The following SNTG1 variants were observed in gnomAD, a reference collection of about 807,000 sequenced individuals.
The protein encoded by SNTG1 is syntrophin gamma 1, also known as gamma-1-syntrophin.
SNTG1 carries 39 observed loss-of-function variants against 74.7 expected under a neutral mutation model. That is an observed-to-expected ratio of 0.52 (90% CI 0.40 to 0.68). The LOEUF (loss-of-function observed/expected upper bound fraction) is 0.68, where lower values mean the gene tolerates loss of function less well. Among genes scored for constraint, SNTG1 ranks in the 30% least tolerant of loss-of-function variants. The pLI, the probability that SNTG1 is intolerant of heterozygous loss-of-function variation, is 0.00. For missense variants in SNTG1, 685 were observed against 609.5 expected (o/e 1.12, Z -1.30); for synonymous variants, 254 against 217.1 (o/e 1.17, Z -1.49).
chr8:50,212,667 T>A (rs1194872554), intron 2 of SNTG1, among the ~76,000 whole-genome samples: 1 of 152,176 alleles, frequency 6.6e-6, no homozygotes, highest in Non-Finnish European at 1.5e-5. Context: ...CAGTTAATTC[T>A]CATCTCTAGC....
chr8:49,966,942 A>G (rs1811197036), intron 1 of SNTG1, among the ~76,000 whole-genome samples: 1 of 152,186 alleles, frequency 6.6e-6, no homozygotes. Flanking sequence ...ATTTAGTGCC[A>G]TATCACAAAT....
intron 8 of SNTG1, among the ~76,000 whole-genome samples, chr8:50,494,445 T>G (rs1398560316): frequency 1.3e-5 from 2 of 152,044 alleles, no homozygotes; most frequent in Admixed American, 1.3e-4. Flanking sequence ...TGAAGATACA[T>G]GATTTTCTAC....
At chr8:50,439,784 A>C (rs1226030247) in intron 5 of SNTG1, among the ~76,000 whole-genome samples, 2 of 149,418 alleles carry the variant, frequency 1.3e-5, no homozygotes, top group Non-Finnish European at 3.0e-5. Flanking sequence ...AGTACCACTA[A>C]AGATACTAGA....
chr8:50,062,005 T>C (rs1756026917), intron 1 of SNTG1, among the ~76,000 whole-genome samples: 1 of 152,164 alleles, frequency 6.6e-6, no homozygotes, highest in Non-Finnish European at 1.5e-5. Flanking sequence ...TTTCTCTTTA[T>C]CAATTATATC....
intron 2 of SNTG1, among the ~76,000 whole-genome samples, chr8:50,233,667 C>T (rs1028746733): frequency 1.3e-5 from 2 of 151,158 alleles, no homozygotes; most frequent in African/African-American, 4.8e-5. Flanking sequence ...TGATAAAGAG[C>T]CCATATCTAG....
chr8:49,988,398 A>G (rs889152232), intron 1 of SNTG1, among the ~76,000 whole-genome samples: 3 of 152,238 alleles, frequency 2.0e-5, no homozygotes, highest in Non-Finnish European at 4.4e-5. Context: ...TGCAAATGAT[A>G]CACAGAGTAA....
At chr8:50,775,927 C>A (rs1017552663) in intron 18 of SNTG1, among the ~76,000 whole-genome samples, 1 of 145,324 alleles carries the variant, frequency 6.9e-6, no homozygotes, top group Non-Finnish European at 1.5e-5. Flanking sequence ...GCTAATATAG[C>A]CACTAGTCAC....
chr8:50,427,137 TACTC>T (rs1054690985), intron 4 of SNTG1, among the ~76,000 whole-genome samples: 49 of 152,268 alleles, frequency 3.2e-4, no homozygotes, highest in African/African-American at 1.1e-3. Flanking sequence ...TAAAATTTCT[TACTC>T]ACAGTAAAGG....
chr8:50,181,691 G>T (rs901587829), intron 2 of SNTG1, among the ~76,000 whole-genome samples: 7 of 152,134 alleles, frequency 4.6e-5, no homozygotes, highest in Non-Finnish European at 7.4e-5. Flanking sequence ...AGTATGCATA[G>T]AAAAATGATG....
intron 2 of SNTG1, among the ~76,000 whole-genome samples, chr8:50,192,183 T>C (rs2083602414): frequency 6.6e-6 from 1 of 152,142 alleles, no homozygotes; most frequent in Non-Finnish European, 1.5e-5. Context: ...TTGTTGTTTG[T>C]TTTGTTTGTC....
At chr8:50,309,271 G>A (rs1281104980) in intron 2 of SNTG1, among the ~76,000 whole-genome samples, 6 of 151,932 alleles carry the variant, frequency 3.9e-5, no homozygotes, top group South Asian at 4.1e-4. Flanking sequence ...AGGATTTCAT[G>A]ATAAGAGGGA....
intron 13 of SNTG1, among the ~76,000 whole-genome samples, chr8:50,635,589 A>G (rs1286826865): frequency 6.6e-6 from 1 of 152,172 alleles, no homozygotes; most frequent in Non-Finnish European, 1.5e-5. Context: ...GCCCACAGGG[A>G]GTGCTTCCAG....
intron 13 of SNTG1, among the ~76,000 whole-genome samples, chr8:50,604,424 A>G (rs1204816021): frequency 6.7e-6 from 1 of 149,268 alleles, no homozygotes; most frequent in Non-Finnish European, 1.5e-5. Flanking sequence ...TCAAAAAAGA[A>G]AGAAAAAAAA....
chr8:49,910,236 G>A (rs972830886), upstream of SNTG1, among the ~76,000 whole-genome samples: 3 of 152,134 alleles, frequency 2.0e-5, no homozygotes, highest in Admixed American at 6.5e-5. Context: ...CCAGGAGCAG[G>A]CGTCCGGCCC....
chr8:50,331,383 G>A (rs1391689702), intron 2 of SNTG1, among the ~76,000 whole-genome samples: 5 of 152,144 alleles, frequency 3.3e-5, no homozygotes, highest in African/African-American at 4.8e-5. Flanking sequence ...AGACCAAAAC[G>A]ATCTTTAATT....
At chr8:50,737,719 G>T (rs961915950) in intron 17 of SNTG1, among the ~76,000 whole-genome samples, 2 of 152,088 alleles carry the variant, frequency 1.3e-5, no homozygotes, top group African/African-American at 2.4e-5. Flanking sequence ...CCATGATCAC[G>T]TCGGCTTCAT....
chr8:50,637,795 C>A (rs191037835), intron 13 of SNTG1, among the ~76,000 whole-genome samples: 5 of 151,974 alleles, frequency 3.3e-5, no homozygotes, highest in Admixed American at 2.6e-4. Flanking sequence ...AAATACATAT[C>A]TTTATCTGTA....
chr8:50,324,185 T>A (rs2090642543), intron 2 of SNTG1, among the ~76,000 whole-genome samples: 1 of 152,184 alleles, frequency 6.6e-6, no homozygotes, highest in Non-Finnish European at 1.5e-5. Flanking sequence ...TGGTAAATAT[T>A]TTCCCTCCTT....
intron 2 of SNTG1, among the ~76,000 whole-genome samples, chr8:50,339,388 C>T (rs951289291): frequency 1.3e-5 from 2 of 151,826 alleles, no homozygotes; most frequent in Non-Finnish European, 2.9e-5. Flanking sequence ...AAAACAAGAT[C>T]TTGTTTATAT....
Sources: gnomAD v4.1 joint callset for allele counts (sites outside exome capture counted in the v4.1 genomes callset) on GRCh38, gnomAD v4.1.1 for gene constraint, MANE v1.5 for transcripts, NCBI Gene and HGNC (gene_info 2026-07-23, HGNC 2026-07-21) for gene names.